HPGD: variants seen among roughly 807,000 people sequenced by gnomAD.
The protein encoded by HPGD is 15-hydroxyprostaglandin dehydrogenase [NAD(+)].
A neutral mutation model predicts 30.0 loss-of-function variants in HPGD; 29 were observed. The observed-to-expected ratio is 0.97, with a 90% CI of 0.72 to 1.32. The LOEUF (loss-of-function observed/expected upper bound fraction) is 1.32, where lower values mean the gene tolerates loss of function less well. Among genes scored for constraint, HPGD ranks in the 40% most tolerant of loss-of-function variants. HPGD has a pLI of 0.00. For missense variants in HPGD, 340 were observed against 322.1 expected (o/e 1.06, Z -0.43); for synonymous variants, 99 against 112.4 (o/e 0.88, Z 0.75).
chr4:174,517,106 A>G (rs924557357), intron 3 of HPGD, among the ~76,000 whole-genome samples: 7 of 152,202 alleles, frequency 4.6e-5, no homozygotes, highest in Non-Finnish European at 8.8e-5. Flanking sequence ...GGCACAGCCT[A>G]TTTGACATTT....
intron 3 of HPGD, among the ~76,000 whole-genome samples, chr4:174,514,505 C>T (rs547126337): frequency 1.3e-5 from 2 of 152,084 alleles, no homozygotes; most frequent in Non-Finnish European, 2.9e-5. Flanking sequence ...AACATCTTTT[C>T]ATGTTAAAAA....
intron 3 of HPGD, among the ~76,000 whole-genome samples, chr4:174,516,101 TAAAAC>T (rs1373891621): frequency 6.6e-6 from 1 of 152,122 alleles, no homozygotes; most frequent in Non-Finnish European, 1.5e-5. Flanking sequence ...TCGAAGAACT[TAAAAC>T]AGAACTACCA....
At chr4:174,512,517 T>A (rs1442880414) in intron 3 of HPGD, among the ~76,000 whole-genome samples, 1 of 152,196 alleles carries the variant, frequency 6.6e-6, no homozygotes, top group Non-Finnish European at 1.5e-5. Context: ...CATGGAATTG[T>A]ATAAGACCCA....
intron 3 of HPGD, among the ~76,000 whole-genome samples, chr4:174,511,255 T>C (rs1222178162): frequency 6.6e-6 from 1 of 152,252 alleles, no homozygotes; most frequent in Non-Finnish European, 1.5e-5. Flanking sequence ...ATTTATTTTG[T>C]TTAAATCTTA....
intron 4 of HPGD, among the ~76,000 whole-genome samples, chr4:174,505,493 A>T (rs990859078): frequency 6.6e-6 from 1 of 152,350 alleles, no homozygotes; most frequent in Admixed American, 6.5e-5. Context: ...AAGGGCATAA[A>T]ATTGTTGATA....
At chr4:174,493,675 A>G (rs1579269304) in intron 5 of HPGD, among the ~76,000 whole-genome samples, 1 of 152,332 alleles carries the variant, frequency 6.6e-6, no homozygotes, top group Non-Finnish European at 1.5e-5. Context: ...TATAACAAAT[A>G]ATACTTAATT....
At chr4:174,497,788 G>A (rs549831523) in intron 4 of HPGD, among the ~76,000 whole-genome samples, 17 of 151,640 alleles carry the variant, frequency 1.1e-4, no homozygotes, top group African/African-American at 4.1e-4. Context: ...ATGTTGGCCA[G>A]GATGGTCTTG....
chr4:174,491,502 A>G lies in HPGD; in HGVS notation c.*454T>C, dbSNP rs1272416089. 3 of 170,716 alleles carry G rather than the reference A, an allele frequency of 1.8e-5. No homozygotes were observed. Among genetic ancestry groups the G allele is most frequent in the African/African-American group, 7.2e-5 (3 of 41,584 alleles). The allele number at this position is 170,716 out of a possible 1,614,324, so 10.6% of individuals were successfully genotyped here. On this transcript the variant is annotated 3_prime_UTR_variant, in exon 7 of 7. Transcript: ENST00000296522. ...AGTTGAAAGATGGTATATAAGTAAAAATTATTATTGTGAAATATTTGTCAT... is the reference window on the plus strand; with the variant it reads ...AGTTGAAAGATGGTATATAAGTAAAGATTATTATTGTGAAATATTTGTCAT...
chr4:174,519,913 C>T (rs967875374), intron 2 of HPGD, among the ~76,000 whole-genome samples: 3 of 152,176 alleles, frequency 2.0e-5, no homozygotes, highest in South Asian at 4.1e-4. Context: ...GTGATCCGCC[C>T]GCCTCGGCCT....
rs1734425775 is a variant in HPGD, at chr4:174,493,206, A to G, written c.607T>C (p.Tyr203His). Residue 203 changes from tyrosine (Y) to histidine (H), a missense_variant, in exon 6 of 7, where the codon TAT becomes CAT. Tyr to His is a moderately conservative substitution (Grantham distance 83, BLOSUM62 2). Transcript: ENST00000296522. ...SIEKEENMGQ[Y>H]IEYKDHIKDM... ...TTGATATGATCCTTATATTCTATAT[A>G]TTGTCCCATGTTTTCTTCTTTTTCA... 3 of 1,608,630 alleles carry G rather than the reference A, an allele frequency of 1.9e-6. No individual in the cohort carries two copies. Among genetic ancestry groups the G allele is most frequent in the African/African-American group, 1.3e-5 (1 of 74,800 alleles).
rs79318084 is a variant in HPGD at position 174,514,589 on chromosome 4, G to A, written c.324+3382C>T. On this transcript the variant is annotated intron_variant, in intron 3 of 6. Transcript: ENST00000296522. ...GAGTGGGAAAAAGCTGGAAGCATTC[G>A]CCTTGAGAGCTGAAACAAGACAAGG... 3.3e-5 allele frequency among the ~76,000 whole-genome samples: 5 copies of A among 152,114 alleles called. No individual in the cohort carries two copies. The East Asian group carries it at 5.8e-4, about 18-fold the overall frequency.
intron 5 of HPGD, 44 bp from the exon 6 acceptor site, chr4:174,493,358 A>T (rs1459580583): frequency 6.3e-7 from 1 of 1,579,494 alleles, no homozygotes; most frequent in African/African-American, 1.3e-5. Flanking sequence ...TCATAAACAT[A>T]TAGCACAGGA....
rs45536938 is a variant in HPGD at position 174,507,966 on chromosome 4, A to G, written c.421+730T>C. 7.1e-5 allele frequency: 40 copies of G among 560,216 alleles called. No individual in the cohort carries two copies. In the African/African-American group the frequency reaches 7.2e-4, roughly 10 times the overall value. The allele number at this position is 560,216 out of a possible 1,614,324, so 34.7% of individuals were successfully genotyped here. ...ACAGACTCGCTTACAGTTAGGTGAAACATGAGCTCAAGTTCTATACTGAAA... is the reference window on the plus strand; with the variant it reads ...ACAGACTCGCTTACAGTTAGGTGAAGCATGAGCTCAAGTTCTATACTGAAA... On this transcript the variant is annotated intron_variant, in intron 4 of 6. Transcript: ENST00000296522.
At chr4:174,522,261 G>T in intron 1 of HPGD, 98 bp downstream of exon 1, 1 of 1,370,562 alleles carries the variant, frequency 7.3e-7, no homozygotes, top group Non-Finnish European at 1.0e-6. Context: ...GGGCACGCCG[G>T]GCGCGGCCTC....
chr4:174,501,108 G>A (rs1379702343), intron 4 of HPGD, among the ~76,000 whole-genome samples: 1 of 152,076 alleles, frequency 6.6e-6, no homozygotes, highest in African/African-American at 2.4e-5. Context: ...AAAGTATAAT[G>A]AAGTAATATT....
intron 5 of HPGD, 154 bp from the exon 6 acceptor site, chr4:174,493,468 A>G: frequency 1.5e-6 from 1 of 675,634 alleles, no homozygotes; most frequent in Non-Finnish European, 2.6e-6. Flanking sequence ...AGATAGTAAA[A>G]TAACACATAC....
In HPGD at chr4:174,492,195, T is replaced by C. The variant is rs985997750; in HGVS notation, c.663-101A>G. On this transcript the variant is annotated intron_variant, in intron 6 of 6. Transcript: ENST00000296522. The surrounding 1 kb of genome is among the most constrained non-coding windows in gnomAD (Gnocchi z 4.9). ...AGAATCTATTAAGTTGAACATGTTA[T>C]AGGGAAATGTGTGTCATTAAACTAT... is the stretch of plus-strand genomic sequence containing the variant. 2 of 1,085,878 alleles carry C rather than the reference T, an allele frequency of 1.8e-6. No individual in the cohort carries two copies. Among genetic ancestry groups the C allele is most frequent in the Non-Finnish European group, 2.8e-6 (2 of 715,300 alleles). The allele number at this position is 1,085,878 out of a possible 1,614,324, so 67.3% of individuals were successfully genotyped here. A position where few individuals can be genotyped will look rare whatever the true frequency, so the allele number is the denominator to read the frequency against.
rs1353940342 is a variant in HPGD at position 174,492,874 on chromosome 4, G to C, written c.662+277C>G. Among the ~76,000 whole-genome samples the C allele has an allele frequency of 6.6e-6, 1 of 152,058 alleles. No individual in the cohort carries two copies. Among genetic ancestry groups the C allele is most frequent in the African/African-American group, 2.4e-5 (1 of 41,434 alleles). The stretch of plus-strand genomic sequence containing the variant: ...ATTGCTTGGAATTTAGGCAGAGAAG[G>C]TATCATTGCCTTCAAAGGTGACTAA... On this transcript the variant is annotated intron_variant, in intron 6 of 6. Transcript: ENST00000296522. This position sits in a 1 kb window ranked among gnomAD's most constrained non-coding sequence, Gnocchi z 4.9.
chr4:174,499,226 A>T (rs1436744932), intron 4 of HPGD, among the ~76,000 whole-genome samples: 1 of 152,180 alleles, frequency 6.6e-6, no homozygotes, highest in Non-Finnish European at 1.5e-5. Flanking sequence ...TGTGCCGCTT[A>T]TGTTCCTACC....
Sources: allele counts gnomAD v4.1 joint callset (sites outside exome capture counted in the v4.1 genomes callset), GRCh38; gene constraint gnomAD v4.1.1; non-coding constraint Gnocchi (gnomAD v3.1); transcripts MANE v1.5; gene names NCBI Gene and HGNC (gene_info 2026-07-23, HGNC 2026-07-21).